Variants in ZC2HC1B observed in about 807,000 individuals in gnomAD.
ZC2HC1B encodes zinc finger C2HC-type containing 1B, also known as zinc finger C2HC domain-containing protein 1B.
A neutral mutation model predicts 31.0 loss-of-function variants in ZC2HC1B; 36 were observed. That is an observed-to-expected ratio of 1.16 (90% CI 0.89 to 1.54). ZC2HC1B has a LOEUF of 1.54. Ranked by LOEUF, ZC2HC1B falls within the 40% of genes most tolerant of loss-of-function variation. The pLI is 0.00. For synonymous variants in ZC2HC1B, 73 were observed against 88.0 expected (o/e 0.83, Z 0.95); for missense variants, 260 against 268.6 (o/e 0.97, Z 0.22).
At position 143,915,420 on chromosome 6, in the gene ZC2HC1B, G is replaced by C. The variant is rs1010633226; in HGVS notation, c.598+12268G>C. ...CTTTTTCGGCAGCATGAAAACAGAC[G>C]AATACAGTAAATTGGTACCAGTAGA... On this transcript the variant is annotated intron_variant, in intron 6 of 7. Coordinates refer to ENST00000237275, the MANE Select transcript of ZC2HC1B (RefSeq NM_001013623.3). The surrounding 1 kb of genome is among the most constrained non-coding windows in gnomAD (Gnocchi z 5.2). Among the ~76,000 whole-genome samples, 1 of 152,090 alleles carries C rather than the reference G, an allele frequency of 6.6e-6. No homozygotes were observed. Among genetic ancestry groups the C allele is most frequent in the African/African-American group, 2.4e-5 (1 of 41,406 alleles).
chr6:143,882,881 C>T (rs77249358), intron 1 of ZC2HC1B, among the ~76,000 whole-genome samples: 104 of 152,286 alleles, frequency 6.8e-4, no homozygotes, highest in African/African-American at 2.5e-3. Flanking sequence ...CTCCCAGCAT[C>T]TTCTCAGTCC....
Position 143,913,193 on chromosome 6 carries a change from A to AGGC in ZC2HC1B, c.598+10042_598+10044dup, listed in dbSNP as rs1777880729. On this transcript the variant is annotated intron_variant, in intron 6 of 7. Coordinates refer to ENST00000237275, the MANE Select transcript of ZC2HC1B (RefSeq NM_001013623.3). The surrounding 1 kb of genome is among the most constrained non-coding windows in gnomAD (Gnocchi z 5.7). ...TCAGAGCTCTGTCCCTAATATGTGC[A>AGGC]GGCAGGTGTGGCTGGAGTGTCCAGC... is the stretch of plus-strand genomic sequence containing the variant. Among the ~76,000 whole-genome samples the AGGC allele has an allele frequency of 1.3e-5, 2 of 152,178 alleles. No homozygotes were observed. The highest frequency in any genetic ancestry group is 2.9e-5 in the Non-Finnish European group (2 of 68,028).
At chr6:143,909,082 G>A (rs1380976836) in intron 6 of ZC2HC1B, among the ~76,000 whole-genome samples, 1 of 152,266 alleles carries the variant, frequency 6.6e-6, no homozygotes, top group Non-Finnish European at 1.5e-5. Flanking sequence ...ATTGATTTGT[G>A]TACATTGAAC....
At chr6:143,914,882 C>A (rs1777899543) in intron 6 of ZC2HC1B, among the ~76,000 whole-genome samples, 1 of 152,088 alleles carries the variant, frequency 6.6e-6, no homozygotes, top group Admixed American at 6.6e-5. Flanking sequence ...CAATTTCAAT[C>A]TATTTTTGTC....
In ZC2HC1B at chr6:143,917,086, T is replaced by C. The variant is rs963234708; in HGVS notation, c.598+13934T>C. 6.6e-6 allele frequency among the ~76,000 whole-genome samples: 1 copy of C among 152,210 alleles called. No individual in the cohort carries two copies. Among genetic ancestry groups the C allele is most frequent in the Non-Finnish European group, 1.5e-5 (1 of 68,034 alleles). ...TTGGAGGGACCCAGTGGGAGGTAAC[T>C]GAATCATGGGGGCAAGTCTTTCCTG... is the stretch of plus-strand genomic sequence containing the variant. On this transcript the variant is annotated intron_variant, in intron 6 of 7. Coordinates refer to ENST00000237275, the MANE Select transcript of ZC2HC1B (RefSeq NM_001013623.3). The surrounding 1 kb of genome is among the most constrained non-coding windows in gnomAD (Gnocchi z 4.1).
Position 143,869,562 on chromosome 6 carries a change from G to A in ZC2HC1B, c.28+4995G>A, listed in dbSNP as rs949290382. 6.6e-6 allele frequency among the ~76,000 whole-genome samples: 1 copy of A among 152,222 alleles called. No individual in the cohort carries two copies. Among genetic ancestry groups the A allele is most frequent in the South Asian group, 2.1e-4 (1 of 4,830 alleles). ...AAGGCATGCTATGAGTCCATGGATG[G>A]TAGTCTTGGCAGAAGCATTGCATGG... is the stretch of plus-strand genomic sequence containing the variant. On this transcript the variant is annotated intron_variant, in intron 1 of 7. Coordinates refer to ENST00000237275, the MANE Select transcript of ZC2HC1B (RefSeq NM_001013623.3). The surrounding 1 kb of genome is among the most constrained non-coding windows in gnomAD (Gnocchi z 5.2).
In ZC2HC1B at chr6:143,886,193, CG is replaced by C; in HGVS notation, c.210+44del. 1 of 1,464,854 alleles carries C rather than the reference CG, an allele frequency of 6.8e-7. No individual in the cohort carries two copies. 90.7% of individuals were successfully genotyped at this position (1,464,854 alleles called of 1,614,324 possible). A position where few individuals can be genotyped will look rare whatever the true frequency, so the allele number is the denominator to read the frequency against. ...CTTTAGTGTTTGTTATTACATTCTG[CG>C]GTACTGTAAGGCCTATTTCTGGGAT... On this transcript the variant is annotated intron_variant, in intron 3 of 7. Coordinates refer to ENST00000237275, the MANE Select transcript of ZC2HC1B (RefSeq NM_001013623.3). This position sits in a 1 kb window ranked among gnomAD's most constrained non-coding sequence, Gnocchi z 4.2.
At position 143,913,580 on chromosome 6, in the gene ZC2HC1B, A is replaced by G. The variant is rs193212992; in HGVS notation, c.598+10428A>G. The stretch of plus-strand genomic sequence containing the variant: ...CACCTACCTTGCCTGTGTTGCAGAA[A>G]GACTGGTGTATTTAAAGCTCCTGGG... On this transcript the variant is annotated intron_variant, in intron 6 of 7. Transcript: ENST00000237275. This position sits in a 1 kb window ranked among gnomAD's most constrained non-coding sequence, Gnocchi z 5.7. Among the ~76,000 whole-genome samples the G allele has an allele frequency of 1.1e-3, 171 of 152,336 alleles. No homozygotes were observed. The highest frequency in any genetic ancestry group is 0.01 in the Middle Eastern group (3 of 294).
At chr6:143,928,839 C>CA (rs937480086) in intron 6 of ZC2HC1B, among the ~76,000 whole-genome samples, 6 of 111,992 alleles carry the variant, frequency 5.4e-5, no homozygotes, top group African/African-American at 2.1e-4. Flanking sequence ...TTTTTTTGTT[C>CA]TTTTTTTTTT....
At chr6:143,931,835 A>G (rs1448747436) in intron 6 of ZC2HC1B, among the ~76,000 whole-genome samples, 4 of 147,978 alleles carry the variant, frequency 2.7e-5, no homozygotes, top group African/African-American at 9.9e-5. Context: ...TGAATTTCCA[A>G]GGTGTTCTTT....
intron 1 of ZC2HC1B, 100 bp downstream of exon 1, chr6:143,864,667 A>T (rs1239880243): frequency 7.8e-7 from 1 of 1,278,234 alleles, no homozygotes; most frequent in African/African-American, 1.5e-5. Flanking sequence ...TTGTTCTACC[A>T]TGTGTGATCC....
At chr6:143,900,941 C>T (rs536814843) in intron 5 of ZC2HC1B, among the ~76,000 whole-genome samples, 10 of 152,042 alleles carry the variant, frequency 6.6e-5, no homozygotes, top group South Asian at 2.1e-4. Context: ...TGGGTTCAAG[C>T]GATTCTCCGG....
At chr6:143,928,539 TA>T (rs886333248) in intron 6 of ZC2HC1B, among the ~76,000 whole-genome samples, 1 of 152,178 alleles carries the variant, frequency 6.6e-6, no homozygotes, top group African/African-American at 2.4e-5. Context: ...TGGAGTTAGG[TA>T]ATGTGATGCC....
chr6:143,903,665 C>T lies in ZC2HC1B; in HGVS notation c.598+513C>T, dbSNP rs969407067. On this transcript the variant is annotated intron_variant, in intron 6 of 7. Coordinates refer to ENST00000237275, the MANE Select transcript of ZC2HC1B (RefSeq NM_001013623.3). The surrounding 1 kb of genome is among the most constrained non-coding windows in gnomAD (Gnocchi z 4.3). ...CAAGAATTTCTGTACAGTCATCCCT[C>T]GGTATCCACAGGGGATTGGTCCCAG... Among the ~76,000 whole-genome samples the T allele has an allele frequency of 1.3e-5, 2 of 152,162 alleles. No homozygotes were observed. The highest frequency in any genetic ancestry group is 2.1e-4 in the South Asian group (1 of 4,832).
intron 1 of ZC2HC1B, among the ~76,000 whole-genome samples, chr6:143,876,474 T>G (rs1777409747): frequency 1.3e-5 from 2 of 150,572 alleles, no homozygotes; most frequent in South Asian, 2.2e-4. Context: ...TTAGCATTTT[T>G]GGGTCTAATT....
chr6:143,914,302 A>G (rs989389239), intron 6 of ZC2HC1B, among the ~76,000 whole-genome samples: 1 of 151,820 alleles, frequency 6.6e-6, no homozygotes, highest in African/African-American at 2.4e-5. Flanking sequence ...TTCATCTCCA[A>G]ATATTTTCTA....
chr6:143,867,176 T>A (rs1777274743), intron 1 of ZC2HC1B, among the ~76,000 whole-genome samples: 1 of 152,162 alleles, frequency 6.6e-6, no homozygotes, highest in African/African-American at 2.4e-5. Context: ...TGAAAAAAAA[T>A]CTGAAACACT....
Position 143,913,682 on chromosome 6 carries a change from A to G in ZC2HC1B, c.598+10530A>G, listed in dbSNP as rs560750644. Among the ~76,000 whole-genome samples the G allele has an allele frequency of 6.6e-6, 1 of 152,350 alleles. No homozygotes were observed. The highest frequency in any genetic ancestry group is 1.5e-5 in the Non-Finnish European group (1 of 68,040). On this transcript the variant is annotated intron_variant, in intron 6 of 7. Coordinates refer to ENST00000237275, the MANE Select transcript of ZC2HC1B (RefSeq NM_001013623.3). The surrounding 1 kb of genome is among the most constrained non-coding windows in gnomAD (Gnocchi z 5.7). ...GTGACAGATCCAAGGCTCTGGTGGC[A>G]TAGGCTCACAAGGGGATCTCCTGAT...
rs749703350 is a variant in ZC2HC1B at position 143,870,509 on chromosome 6, T to C, written c.28+5942T>C. Reference sequence around the variant, plus strand: ...ACTTACTTGTGCCTTTAGGACCTGCTTGAGTCCAATCATGTATATACACTT... The same window carrying C: ...ACTTACTTGTGCCTTTAGGACCTGCCTGAGTCCAATCATGTATATACACTT... On this transcript the variant is annotated intron_variant, in intron 1 of 7. Transcript: ENST00000237275. The surrounding 1 kb of genome is among the most constrained non-coding windows in gnomAD (Gnocchi z 4.7). 6.6e-6 allele frequency among the ~76,000 whole-genome samples: 1 copy of C among 152,156 alleles called. No homozygotes were observed. The highest frequency in any genetic ancestry group is 2.4e-5 in the African/African-American group (1 of 41,450).
Sources: allele counts gnomAD v4.1 joint callset (sites outside exome capture counted in the v4.1 genomes callset), GRCh38; gene constraint gnomAD v4.1.1; non-coding constraint Gnocchi (gnomAD v3.1); transcripts MANE v1.5; gene names NCBI Gene and HGNC (gene_info 2026-07-23, HGNC 2026-07-21).